The following BRWD1 variants were observed in gnomAD, a reference collection of about 807,000 sequenced individuals.
The protein encoded by BRWD1 is bromodomain and WD repeat-containing protein 1.
In BRWD1, 82 loss-of-function variants were observed where a neutral mutation model predicts 251.2. The observed-to-expected ratio is 0.33, with a 90% CI of 0.27 to 0.39. The LOEUF (loss-of-function observed/expected upper bound fraction) is 0.39, where lower values mean the gene tolerates loss of function less well. BRWD1 is among the 10% of genes least tolerant of loss of function. The pLI is 1.00. For missense variants in BRWD1, 2,233 were observed against 2,711.6 expected (o/e 0.82, Z 3.92); for synonymous variants, 918 against 902.8 (o/e 1.02, Z -0.30).
intron 13 of BRWD1, among the ~76,000 whole-genome samples, chr21:39,271,190 G>C (rs1292706756): frequency 3.9e-5 from 6 of 152,094 alleles, no homozygotes; most frequent in Non-Finnish European, 8.8e-5. Context: ...TACTCAGAAG[G>C]CTGAGGCAGG....
At chr21:39,286,627 G>A (rs111500320) in intron 8 of BRWD1, among the ~76,000 whole-genome samples, 2,635 of 151,644 alleles carry the variant, frequency 0.017, 74 homozygotes, top group African/African-American at 0.061. Context: ...CGATTCTCCT[G>A]CCTCAGCCTC....
In BRWD1 at chr21:39,190,720, G is replaced by A. The variant is rs1229104217; in HGVS notation, c.*5539C>T. ...CATAAACTGAAGTACCCCAATGGCT[G>A]TAGAATAAAATGGTTTCTGTAACTT... On this transcript the variant is annotated 3_prime_UTR_variant, in exon 41 of 41. Transcript: ENST00000342449. The A allele has an allele frequency of 4.1e-6, 4 of 985,270 alleles. No homozygotes were observed. Among genetic ancestry groups the A allele is most frequent in the Non-Finnish European group, 2.4e-6 (2 of 829,896 alleles). 61.0% of individuals were successfully genotyped at this position (985,270 alleles called of 1,614,324 possible). A position where few individuals can be genotyped will look rare whatever the true frequency, so the allele number is the denominator to read the frequency against.
In BRWD1 at chr21:39,189,620, TA is replaced by T; in HGVS notation, c.*6638del. 1.0e-6 allele frequency: 1 copy of T among 981,982 alleles called. No homozygotes were observed. The highest frequency in any genetic ancestry group is 1.2e-6 in the Non-Finnish European group (1 of 826,832). 60.8% of individuals were successfully genotyped at this position (981,982 alleles called of 1,614,324 possible). On this transcript the variant is annotated 3_prime_UTR_variant, in exon 41 of 41. Coordinates refer to ENST00000342449, the MANE Select transcript of BRWD1 (RefSeq NM_033656.4). ...GCTGAATCTCTTAAGTCTTAGACAATAAAACAGGAATTTCAGAGAATAAGGA... is the reference window on the plus strand; with the variant it reads ...GCTGAATCTCTTAAGTCTTAGACAATAAACAGGAATTTCAGAGAATAAGGA...
intron 4 of BRWD1, among the ~76,000 whole-genome samples, chr21:39,308,018 G>A (rs1056668352): frequency 2.0e-5 from 3 of 152,112 alleles, no homozygotes; most frequent in African/African-American, 7.2e-5. Context: ...AGCTGGACAC[G>A]GAGGCTCACA....
At chr21:39,273,932 T>G (rs1001845801) in intron 13 of BRWD1, among the ~76,000 whole-genome samples, 1 of 152,154 alleles carries the variant, frequency 6.6e-6, no homozygotes. Flanking sequence ...GGAGCTCAAT[T>G]TTCTTTTTTA....
At chr21:39,311,877 TTTC>T (rs1385818033) in intron 4 of BRWD1, among the ~76,000 whole-genome samples, 1 of 152,228 alleles carries the variant, frequency 6.6e-6, no homozygotes. Flanking sequence ...ACCACTTTTT[TTTC>T]TTCTTTTCAC....
intron 8 of BRWD1, among the ~76,000 whole-genome samples, chr21:39,283,818 A>C (rs1036469830): frequency 6.6e-6 from 1 of 152,202 alleles, no homozygotes; most frequent in Non-Finnish European, 1.5e-5. Context: ...GCCAGTCGCC[A>C]ATGACTATAA....
At chr21:39,280,557 C>T (rs1265143888) in intron 8 of BRWD1, among the ~76,000 whole-genome samples, 1 of 151,828 alleles carries the variant, frequency 6.6e-6, no homozygotes, top group Non-Finnish European at 1.5e-5. Flanking sequence ...TCAGACAAAA[C>T]AGGGTACACT....
chr21:39,265,084 T>G, intron 15 of BRWD1, 65 bp from the exon 16 acceptor site: 1 of 1,536,416 alleles, frequency 6.5e-7, no homozygotes, highest in East Asian at 2.3e-5. Context: ...ATGTAAACTT[T>G]TTTAATGTGG....
intron 3 of BRWD1, 60 bp from the exon 4 acceptor site, chr21:39,312,960 CG>C: frequency 1.1e-5 from 3 of 275,766 alleles, no homozygotes; most frequent in Non-Finnish European, 1.3e-5. Flanking sequence ...GGGCGGGGGG[CG>C]GGGGGCCGGG....
intron 22 of BRWD1, among the ~76,000 whole-genome samples, chr21:39,238,236 T>C (rs1251401816): frequency 6.6e-6 from 1 of 151,576 alleles, no homozygotes; most frequent in East Asian, 1.9e-4. Context: ...AGATTAAATT[T>C]ATATTTTCAG....
In BRWD1 at chr21:39,212,978, T is replaced by C. The variant is rs114700689; in HGVS notation, c.3859-271A>G. 4.7e-3 allele frequency among the ~76,000 whole-genome samples: 719 copies of C among 152,308 alleles called. 7 individuals carry two copies. The highest frequency in any genetic ancestry group is 0.017 in the African/African-American group (686 of 41,572). On this transcript the variant is annotated intron_variant, in intron 33 of 40. Coordinates refer to ENST00000342449, the MANE Select transcript of BRWD1 (RefSeq NM_033656.4). Reference sequence around the variant, plus strand: ...GCTATAAAAAGACGCTTCATGCATTTCCTAAATAGAAAACTTGTGTTTTAC... The same window carrying C: ...GCTATAAAAAGACGCTTCATGCATTCCCTAAATAGAAAACTTGTGTTTTAC...
At chr21:39,314,423 G>C, upstream of BRWD1, 1 of 436,406 alleles carries the variant, frequency 2.3e-6, no homozygotes, top group Non-Finnish European at 4.6e-6. Context: ...AGCATGGACA[G>C]GAAAACGGGA....
intron 33 of BRWD1, among the ~76,000 whole-genome samples, chr21:39,213,128 A>T (rs2032736674): frequency 6.6e-6 from 1 of 152,104 alleles, no homozygotes; most frequent in Admixed American, 6.6e-5. Context: ...AGGGTCTCAA[A>T]CTCCTGGCTC....
intron 5 of BRWD1, chr21:39,297,890 C>T (rs977201232): frequency 1.2e-5 from 12 of 984,102 alleles, no homozygotes; most frequent in African/African-American, 8.7e-5. Flanking sequence ...ACCAAGCTAA[C>T]AGAAAAAGAA....
At chr21:39,281,263 G>C (rs1261297279) in intron 8 of BRWD1, among the ~76,000 whole-genome samples, 1 of 152,122 alleles carries the variant, frequency 6.6e-6, no homozygotes, top group Non-Finnish European at 1.5e-5. Context: ...AGTATTGATT[G>C]AAAAAGAAGA....
intron 23 of BRWD1, among the ~76,000 whole-genome samples, chr21:39,236,308 C>G (rs922075216): frequency 6.0e-4 from 91 of 152,244 alleles, no homozygotes; most frequent in African/African-American, 2.1e-3. Flanking sequence ...TTCCTTCCCA[C>G]AGGCCCCAGA....
Position 39,196,677 on chromosome 21 carries a change from G to T in BRWD1, c.6392C>A (p.Ser2131Ter). ...TAEKEVKRKR[S>*]HPELENVKIS... ...TTTCACATTTTCCAATTCAGGATGCGATCTCTTCCTTTTTACTTCCTTCTC... is the reference window on the plus strand; with the variant it reads ...TTTCACATTTTCCAATTCAGGATGCTATCTCTTCCTTTTTACTTCCTTCTC... The change falls in exon 41 of 41, where the codon TCG becomes TAG. Residue 2131 changes from serine to a stop codon, truncating the protein, a stop_gained. Coordinates refer to ENST00000342449, the MANE Select transcript of BRWD1 (RefSeq NM_033656.4). LOFTEE classifies it high-confidence loss of function. 1.2e-6 allele frequency: 2 copies of T among 1,613,826 alleles called. No homozygotes were observed. The highest frequency in any genetic ancestry group is 1.7e-6 in the Non-Finnish European group (2 of 1,179,848).
chr21:39,269,074 G>T (rs969407295), intron 15 of BRWD1, among the ~76,000 whole-genome samples: 1 of 152,000 alleles, frequency 6.6e-6, no homozygotes, highest in African/African-American at 2.4e-5. Context: ...ACTGGATTCT[G>T]GTCTACGGAG....
Sources: allele counts gnomAD v4.1 joint callset (sites outside exome capture counted in the v4.1 genomes callset), GRCh38; gene constraint gnomAD v4.1.1; transcripts MANE v1.5; gene names NCBI Gene and HGNC (gene_info 2026-07-23, HGNC 2026-07-21).